Variants in L3MBTL4 observed in about 807,000 individuals in gnomAD.
The protein encoded by L3MBTL4 is lethal(3)malignant brain tumor-like protein 4.
A neutral mutation model predicts 84.5 loss-of-function variants in L3MBTL4; 70 were observed. The ratio of observed to expected loss-of-function variants is 0.83; its 90% CI spans 0.68 to 1.01. The LOEUF is 1.01. L3MBTL4 is among the 50% of genes least tolerant of loss of function. L3MBTL4 has a pLI of 0.00. For missense variants in L3MBTL4, 715 were observed against 754.8 expected, an observed-to-expected ratio of 0.95 and a Z score of 0.62; for synonymous variants, 274 against 259.8, an observed-to-expected ratio of 1.05 and a Z score of -0.52.
intron 1 of L3MBTL4, among the ~76,000 whole-genome samples, chr18:6,401,930 C>T (rs1444068519): frequency 6.6e-6 from 1 of 152,250 alleles, no homozygotes; most frequent in Non-Finnish European, 1.5e-5. Flanking sequence ...CAATCCAAAC[C>T]TCCACAATGA....
intron 1 of L3MBTL4, among the ~76,000 whole-genome samples, chr18:6,331,079 T>C (rs981593100): frequency 6.6e-6 from 1 of 152,148 alleles, no homozygotes. Flanking sequence ...AAAACAGAAA[T>C]GTCAGAAACA....
intron 3 of L3MBTL4, 39 bp from the exon 4 acceptor site, chr18:6,301,996 A>G: frequency 1.3e-6 from 2 of 1,500,272 alleles, no homozygotes; most frequent in Non-Finnish European, 1.9e-6. Context: ...GTATTGCTGG[A>G]TAATTGTTGG....
intron 1 of L3MBTL4, among the ~76,000 whole-genome samples, chr18:6,321,869 G>C (rs2051422144): frequency 6.6e-6 from 1 of 152,070 alleles, no homozygotes; most frequent in South Asian, 2.1e-4. Context: ...CATACTCTGT[G>C]GTATAATGAC....
intron 1 of L3MBTL4, among the ~76,000 whole-genome samples, chr18:6,399,120 T>G (rs941990763): frequency 1.3e-5 from 2 of 152,184 alleles, no homozygotes; most frequent in African/African-American, 4.8e-5. Context: ...TCTTTATATT[T>G]TAATTACACT....
chr18:6,344,507 A>G lies in L3MBTL4; in HGVS notation c.-90-32451T>C, dbSNP rs146684349. On this transcript the variant is annotated intron_variant, in intron 1 of 18. Transcript: ENST00000317931. ...TTCTCAAACCCTTCCAAAAAATTGA[A>G]GAGTAGAGACAACACTTTCAAATTC... is the stretch of plus-strand genomic sequence containing the variant. 1.6e-4 allele frequency among the ~76,000 whole-genome samples: 25 copies of G among 152,354 alleles called. No homozygotes were observed. In the East Asian group the frequency reaches 3.5e-3, roughly 21 times the overall value.
intron 1 of L3MBTL4, among the ~76,000 whole-genome samples, chr18:6,328,898 T>C (rs2051866853): frequency 6.6e-6 from 1 of 152,134 alleles, no homozygotes; most frequent in Admixed American, 6.6e-5. Flanking sequence ...TGCTGGAAAA[T>C]GGGACCACGT....
At chr18:5,958,241 G>A (rs1277768928) in intron 18 of L3MBTL4, among the ~76,000 whole-genome samples, 3 of 152,120 alleles carry the variant, frequency 2.0e-5, no homozygotes, top group Admixed American at 6.5e-5. Flanking sequence ...ATTACCCTGG[G>A]ACCCCAAGGG....
chr18:6,323,640 G>C (rs151041579), intron 1 of L3MBTL4, among the ~76,000 whole-genome samples: 15 of 152,316 alleles, frequency 9.8e-5, no homozygotes, highest in African/African-American at 3.6e-4. Flanking sequence ...TCAAGAGGTG[G>C]CCTGGCTGCT....
rs577333424 is a variant in L3MBTL4 at position 6,402,019 on chromosome 18, T to A, written c.-91+12782A>T. Among the ~76,000 whole-genome samples, 6 of 152,376 alleles carry A rather than the reference T, an allele frequency of 3.9e-5. No homozygotes were observed. The East Asian group carries it at 1.2e-3, about 29-fold the overall frequency. On this transcript the variant is annotated intron_variant, in intron 1 of 18. Coordinates refer to ENST00000317931, the MANE Select transcript of L3MBTL4 (RefSeq NM_001330559.2). The stretch of plus-strand genomic sequence containing the variant: ...ACTTCTCTAAGCCCATAGCTTCAAG[T>A]GGCAGTAAGCCTAGGCAGGTAAGAC...
At position 6,080,937 on chromosome 18, in the gene L3MBTL4, G is replaced by T; in HGVS notation, c.1388C>A (p.Ala463Glu). 2 of 1,605,630 alleles carry T rather than the reference G, an allele frequency of 1.2e-6. No individual in the cohort carries two copies. Among genetic ancestry groups the T allele is most frequent in the South Asian group, 1.1e-5 (1 of 89,704 alleles). ...VNSQPRLVQQ[A>E]KCLKIKGKED... ...TTTTCCTTTGATTTTCAAACACTTT[G>T]CCTGCTGTACAAGTCTGGGCAAAGA... The change falls in exon 16 of 19, where the codon GCA becomes GAA. Residue 463 changes from alanine (A) to glutamate (E), a missense_variant. By Grantham distance (107) the Ala-to-Glu change is moderately radical. Transcript: ENST00000317931.
At position 6,284,250 on chromosome 18, in the gene L3MBTL4, G is replaced by A. The variant is rs1361354799; in HGVS notation, c.127+17653C>T. ...TGAGCTACCATACAAATACAGCTCC[G>A]TGCTTACACGCTGAAATAACAGCAA... On this transcript the variant is annotated intron_variant, in intron 4 of 18. Transcript: ENST00000317931. 5.3e-5 allele frequency among the ~76,000 whole-genome samples: 8 copies of A among 152,294 alleles called. No homozygotes were observed. In the East Asian group the frequency reaches 1.5e-3, roughly 29 times the overall value.
intron 16 of L3MBTL4, among the ~76,000 whole-genome samples, chr18:6,070,763 C>T (rs1378435777): frequency 3.3e-5 from 5 of 151,820 alleles, no homozygotes; most frequent in Admixed American, 1.3e-4. Context: ...ACTTGAGCCC[C>T]GCAGGTTGAG....
At chr18:6,083,071 C>T (rs1348388052) in intron 15 of L3MBTL4, among the ~76,000 whole-genome samples, 1 of 152,150 alleles carries the variant, frequency 6.6e-6, no homozygotes, top group Non-Finnish European at 1.5e-5. Context: ...ATAATGGAGC[C>T]AAAATCAGGT....
At chr18:6,182,037 A>T (rs34838181) in intron 12 of L3MBTL4, among the ~76,000 whole-genome samples, 7,875 of 152,244 alleles carry the variant, frequency 0.052, 721 homozygotes, top group African/African-American at 0.18. Context: ...GCTGGGTTGA[A>T]TGGCAATTCT....
intron 12 of L3MBTL4, among the ~76,000 whole-genome samples, chr18:6,210,908 G>T (rs1012655589): frequency 1.3e-5 from 2 of 152,092 alleles, no homozygotes; most frequent in Admixed American, 6.5e-5. Flanking sequence ...GGCAGCACAG[G>T]GTACTTGTAT....
chr18:6,328,428 C>G (rs1057044233), intron 1 of L3MBTL4, among the ~76,000 whole-genome samples: 1 of 152,188 alleles, frequency 6.6e-6, no homozygotes, highest in African/African-American at 2.4e-5. Context: ...AAATGCCTCT[C>G]TGAAGCCTTG....
chr18:6,147,958 G>A (rs986998560), intron 13 of L3MBTL4, among the ~76,000 whole-genome samples: 5 of 152,164 alleles, frequency 3.3e-5, no homozygotes, highest in Admixed American at 1.3e-4. Context: ...GAGGATCCCA[G>A]AAAAGGATGA....
intron 10 of L3MBTL4, among the ~76,000 whole-genome samples, chr18:6,232,000 T>G (rs2047018108): frequency 6.6e-6 from 1 of 152,152 alleles, no homozygotes; most frequent in Non-Finnish European, 1.5e-5. Flanking sequence ...CATTCACCAT[T>G]GAGTATGATA....
At chr18:5,995,188 C>T (rs59413128) in intron 16 of L3MBTL4, among the ~76,000 whole-genome samples, 2 of 152,354 alleles carry the variant, frequency 1.3e-5, no homozygotes, top group Middle Eastern at 3.4e-3. Flanking sequence ...GCGGCGACCA[C>T]GCCATGCAGG....
Sources: gnomAD v4.1 joint callset for allele counts (sites outside exome capture counted in the v4.1 genomes callset) on GRCh38, gnomAD v4.1.1 for gene constraint, MANE v1.5 for transcripts, NCBI Gene and HGNC (gene_info 2026-07-23, HGNC 2026-07-21) for gene names.